RRP1B: variants seen among roughly 807,000 people sequenced by gnomAD.
RRP1B encodes the protein ribosomal RNA processing protein 1 homolog B.
RRP1B carries 56 observed loss-of-function variants against 80.2 expected under a neutral mutation model. That is an observed-to-expected ratio of 0.70 (90% CI 0.56 to 0.87). RRP1B has a LOEUF of 0.87. Ranked by LOEUF, RRP1B falls within the 40% of genes least tolerant of loss-of-function variation. RRP1B has a pLI of 0.00. For synonymous variants in RRP1B, 351 were observed against 357.6 expected, an observed-to-expected ratio of 0.98 and a Z score of 0.21; for missense variants, 807 against 939.8, an observed-to-expected ratio of 0.86 and a Z score of 1.85.
intron 13 of RRP1B, among the ~76,000 whole-genome samples, chr21:43,689,358 C>T (rs1284463892): frequency 6.6e-6 from 1 of 152,200 alleles, no homozygotes; most frequent in Non-Finnish European, 1.5e-5. Context: ...ATGTGTGGAC[C>T]TGGTGAAGCG....
chr21:43,674,709 A>ACATGCTAACTCAAATGG lies in RRP1B; in HGVS notation c.419+12_419+13insCATGCTAACTCAAATGG. The ACATGCTAACTCAAATGG allele has an allele frequency of 6.2e-7, 1 of 1,601,696 alleles. No individual in the cohort carries two copies. The highest frequency in any genetic ancestry group is 8.5e-7 in the Non-Finnish European group (1 of 1,175,100). On this transcript the variant is annotated intron_variant, in intron 5 of 15. Coordinates refer to ENST00000340648, the MANE Select transcript of RRP1B (RefSeq NM_015056.3). The stretch of plus-strand genomic sequence containing the variant: ...GGCTGGGAAGAAAGGTCAGTAAACC[A>ACATGCTAACTCAAATGG]TTTGAGTTAGCATGTGGTAGCCTTA...
At chr21:43,675,516 G>A (rs2083018257) in intron 6 of RRP1B, among the ~76,000 whole-genome samples, 2 of 152,156 alleles carry the variant, frequency 1.3e-5, no homozygotes, top group Admixed American at 1.3e-4. Context: ...ATAGACAAAA[G>A]GCTGGAAAGG....
Position 43,662,459 on chromosome 21 carries a change from T to G in RRP1B, c.130+2665T>G, listed in dbSNP as rs551127968. Reference sequence around the variant, plus strand: ...GCCCCATCACAATTACAGCACAAGTTTGGAAATAACTTGGCCTGACATTCG... The same window carrying G: ...GCCCCATCACAATTACAGCACAAGTGTGGAAATAACTTGGCCTGACATTCG... On this transcript the variant is annotated intron_variant, in intron 1 of 15. Coordinates refer to ENST00000340648, the MANE Select transcript of RRP1B (RefSeq NM_015056.3). Among the ~76,000 whole-genome samples the G allele has an allele frequency of 2.0e-5, 3 of 152,206 alleles. No homozygotes were observed. In the East Asian group the frequency reaches 5.8e-4, roughly 29 times the overall value.
At chr21:43,682,213 C>G (rs759052540) in intron 8 of RRP1B, among the ~76,000 whole-genome samples, 1 of 152,112 alleles carries the variant, frequency 6.6e-6, no homozygotes, top group Non-Finnish European at 1.5e-5. Flanking sequence ...TCTCTGGGTC[C>G]CTCCGCTCCC....
In RRP1B at chr21:43,686,972, C is replaced by T. The variant is rs761196189; in HGVS notation, c.1141+37C>T. 3.1e-6 allele frequency: 5 copies of T among 1,605,014 alleles called. No homozygotes were observed. The African/African-American group carries it at 5.4e-5, about 17-fold the overall frequency. ...AGCTAAAAAGAAGGGCACGACTCAG[C>T]CCTTGGGGAGCGGCATGCACCATGG... On this transcript the variant is annotated intron_variant, in intron 12 of 15. Coordinates refer to ENST00000340648, the MANE Select transcript of RRP1B (RefSeq NM_015056.3).
rs1443213252 is a variant in RRP1B, at chr21:43,675,095, C to T, written c.481C>T (p.Pro161Ser). Residue 161 changes from proline (P) to serine (S), a missense_variant, in exon 6 of 16, where the codon CCT becomes TCT. By Grantham distance (74) the Pro-to-Ser change is moderately conservative (BLOSUM62 -1). Transcript: ENST00000340648. ...KEVLCPESQSPNGVRFHFIDI... is the reference protein window; with the variant it reads ...KEVLCPESQSSNGVRFHFIDI... ...GGTCCTGTGTCCTGAGAGTCAGTCT[C>T]CTAATGGAGTGAGATTCCACTTCAT... is the stretch of plus-strand genomic sequence containing the variant. The T allele has an allele frequency of 5.0e-6, 8 of 1,613,952 alleles. No homozygotes were observed. The highest frequency in any genetic ancestry group is 6.8e-6 in the Non-Finnish European group (8 of 1,179,968).
chr21:43,685,828 G>T (rs553484550), intron 11 of RRP1B, 39 bp downstream of exon 11: 2 of 1,585,316 alleles, frequency 1.3e-6, no homozygotes, highest in Non-Finnish European at 1.7e-6. Context: ...GGTGTTTTTC[G>T]TGAATATGGA....
At chr21:43,663,169 T>C (rs2082964819) in intron 1 of RRP1B, among the ~76,000 whole-genome samples, 2 of 152,220 alleles carry the variant, frequency 1.3e-5, no homozygotes, top group Admixed American at 1.3e-4. Context: ...TCTGGGCTCA[T>C]TGCGTGGTGA....
chr21:43,667,887 GTT>G (rs1220032477), intron 1 of RRP1B, among the ~76,000 whole-genome samples: 1 of 152,166 alleles, frequency 6.6e-6, no homozygotes, highest in Admixed American at 6.5e-5. Context: ...TGATATCCTG[GTT>G]TTACATGGAA....
In RRP1B at chr21:43,687,635, C is replaced by T; in HGVS notation, c.1261C>T (p.Pro421Ser). 2 of 1,560,490 alleles carry T rather than the reference C, an allele frequency of 1.3e-6. No individual in the cohort carries two copies. The highest frequency in any genetic ancestry group is 1.7e-6 in the Non-Finnish European group (2 of 1,154,496). ...PENPGPGGAA[P>S]SLEQNRGREP... ...AAATCCAGGCCCAGGGGGTGCAGCC[C>T]CATCCCTGGAACAGAACCGGGGCAG... Residue 421 changes from proline (P) to serine (S), a missense_variant, in exon 13 of 16, where the codon CCA becomes TCA. Physicochemically the swap from Pro to Ser is moderately conservative, Grantham distance 74 (BLOSUM62 -1). Coordinates refer to ENST00000340648, the MANE Select transcript of RRP1B (RefSeq NM_015056.3).
At position 43,695,055 on chromosome 21, in the gene RRP1B, C is replaced by CGTAA. The variant is rs1239145280; in HGVS notation, c.*1672_*1673insGTAA. On this transcript the variant is annotated 3_prime_UTR_variant, in exon 16 of 16. Coordinates refer to ENST00000340648, the MANE Select transcript of RRP1B (RefSeq NM_015056.3). ...GTTAATCGTCACTGTAATGAGAAGTCTTACGTACAACATAGCTGTGGTGGC... is the reference window on the plus strand; with the variant it reads ...GTTAATCGTCACTGTAATGAGAAGTCGTAATTACGTACAACATAGCTGTGGTGGC... 7.7e-6 allele frequency: 1 copy of CGTAA among 129,956 alleles called. No homozygotes were observed. The highest frequency in any genetic ancestry group is 8.3e-5 in the Admixed American group (1 of 12,052). The allele number at this position is 129,956 out of a possible 1,614,324, so 8.1% of individuals were successfully genotyped here. A position where few individuals can be genotyped will look rare whatever the true frequency, so the allele number is the denominator to read the frequency against.
At chr21:43,687,483 T>C (rs761776087) in intron 12 of RRP1B, 33 bp from the exon 13 acceptor site, 4 of 1,464,832 alleles carry the variant, frequency 2.7e-6, no homozygotes, top group Non-Finnish European at 3.6e-6. Flanking sequence ...CAGCTGGCAC[T>C]GGGTGCTTGT....
chr21:43,664,333 AAAAAAAAAAAAG>A (rs1385685078), intron 1 of RRP1B, among the ~76,000 whole-genome samples: 1 of 151,872 alleles, frequency 6.6e-6, no homozygotes, highest in Non-Finnish European at 1.5e-5. Flanking sequence ...GTCTCAAAAA[AAAAAAAAAAAAG>A]AAAAAGAAAA....
At chr21:43,684,936 G>A (rs1047556063) in intron 10 of RRP1B, among the ~76,000 whole-genome samples, 1 of 152,140 alleles carries the variant, frequency 6.6e-6, no homozygotes, top group Non-Finnish European at 1.5e-5. Context: ...AGAAACTGAT[G>A]TGAATCTGCT....
rs2147178869 is a variant in RRP1B, at chr21:43,691,783, A to T, written c.2083+281A>T. 6.6e-6 allele frequency among the ~76,000 whole-genome samples: 1 copy of T among 152,074 alleles called. No homozygotes were observed. Among genetic ancestry groups the T allele is most frequent in the East Asian group, 1.9e-4 (1 of 5,162 alleles). The stretch of plus-strand genomic sequence containing the variant: ...GGCTGCCGGGTAGCGGGTAGCTGGG[A>T]TCACAGGTGCACGCCATCACATCCA... On this transcript the variant is annotated intron_variant, in intron 15 of 15. Transcript: ENST00000340648. This position sits in a 1 kb window ranked among gnomAD's most constrained non-coding sequence, Gnocchi z 4.2.
chr21:43,690,885 G>C (rs1281952119), intron 14 of RRP1B, among the ~76,000 whole-genome samples: 1 of 152,180 alleles, frequency 6.6e-6, no homozygotes, highest in Non-Finnish European at 1.5e-5. Context: ...GTGAACTGTT[G>C]GGATATGCAG....
rs372143608 is a variant in RRP1B at position 43,681,261 on chromosome 21, CAGATAGATAGAT to C, written c.797-1986_797-1975del. Among the ~76,000 whole-genome samples the C allele has an allele frequency of 2.2e-3, 336 of 149,748 alleles. No individual in the cohort carries two copies. In the East Asian group the frequency reaches 0.023, roughly 10 times the overall value. ...CTGTCTCAAAAAATAAATAAATAAA[CAGATAGATAGAT>C]AGATAGATAGATAGATAGATAGATA... On this transcript the variant is annotated intron_variant, in intron 8 of 15. Transcript: ENST00000340648.
At chr21:43,672,201 C>G in intron 2 of RRP1B, 107 bp from the exon 3 acceptor site, 2 of 878,472 alleles carry the variant, frequency 2.3e-6, no homozygotes, top group Non-Finnish European at 1.9e-6. Flanking sequence ...ACAAGAGGGG[C>G]AGACCTTCCC....
At chr21:43,665,312 A>G (rs1422710621) in intron 1 of RRP1B, among the ~76,000 whole-genome samples, 1 of 152,190 alleles carries the variant, frequency 6.6e-6, no homozygotes, top group African/African-American at 2.4e-5. Context: ...ACTACCTGTA[A>G]CTGTTCTGTA....
Sources: allele counts gnomAD v4.1 joint callset (sites outside exome capture counted in the v4.1 genomes callset), GRCh38; gene constraint gnomAD v4.1.1; non-coding constraint Gnocchi (gnomAD v3.1); transcripts MANE v1.5; gene names NCBI Gene and HGNC (gene_info 2026-07-23, HGNC 2026-07-21).